KMT2C: variants seen among roughly 807,000 people sequenced by gnomAD.
KMT2C encodes the protein lysine methyltransferase 2C.
KMT2C carries 88 observed loss-of-function variants against 507.9 expected under a neutral mutation model. The ratio of observed to expected loss-of-function variants is 0.17; its 90% CI spans 0.15 to 0.21. KMT2C has a LOEUF of 0.21. Ranked by LOEUF, KMT2C falls within the 10% of genes least tolerant of loss-of-function variation. The pLI is 1.00. For missense variants in KMT2C, 4,954 were observed against 5,957.8 expected, an observed-to-expected ratio of 0.83 and a Z score of 5.55; for synonymous variants, 2,049 against 2,080.8, an observed-to-expected ratio of 0.98 and a Z score of 0.42.
At chr7:152,284,546 T>C (rs2096266860) in intron 6 of KMT2C, among the ~76,000 whole-genome samples, 1 of 152,094 alleles carries the variant, frequency 6.6e-6, no homozygotes, top group Non-Finnish European at 1.5e-5. Context: ...TTTTTCAACT[T>C]CCAAAAAATT....
chr7:152,249,490 CTTT>C (rs558015230), intron 13 of KMT2C, among the ~76,000 whole-genome samples: 2 of 151,394 alleles, frequency 1.3e-5, no homozygotes, highest in African/African-American at 4.9e-5. Context: ...TCCCCAGATA[CTTT>C]TTTTATTTTT....
chr7:152,232,495 G>T (rs990270304), intron 16 of KMT2C, among the ~76,000 whole-genome samples: 6 of 152,074 alleles, frequency 3.9e-5, no homozygotes, highest in African/African-American at 1.4e-4. Flanking sequence ...ATATATAATA[G>T]GTTGAATCAT....
chr7:152,307,271 A>T (rs535889558), intron 6 of KMT2C, among the ~76,000 whole-genome samples: 1 of 119,156 alleles, frequency 8.4e-6, no homozygotes, highest in Admixed American at 7.8e-5. Flanking sequence ...GGAAGGAAGG[A>T]AGAAAGAAAG....
chr7:152,149,090 C>A lies in KMT2C; in HGVS notation c.12837G>T (p.Gln4279His), dbSNP rs2091392078. Residue 4279 changes from glutamine to histidine, a missense_variant, in exon 52 of 59, where the codon CAG (glutamine) becomes CAT (histidine). Coordinates refer to ENST00000262189, the MANE Select transcript of KMT2C (RefSeq NM_170606.3). Reference protein sequence around the residue: ...MRETPSKAFHQYSNNISTLDV... With the variant: ...MRETPSKAFHHYSNNISTLDV... Reference sequence around the variant, plus strand: ...CCAAAGTGGAGATGTTGTTGCTGTACTGATGAAATGCTTTGGAAGGCGTTT... The same window carrying A: ...CCAAAGTGGAGATGTTGTTGCTGTAATGATGAAATGCTTTGGAAGGCGTTT... The A allele has an allele frequency of 6.6e-7, 1 of 1,509,252 alleles. No homozygotes were observed. The highest frequency in any genetic ancestry group is 8.8e-7 in the Non-Finnish European group (1 of 1,131,580). The allele number at this position is 1,509,252 out of a possible 1,614,324, so 93.5% of individuals were successfully genotyped here.
At chr7:152,334,742 T>C (rs1208660579) in intron 2 of KMT2C, among the ~76,000 whole-genome samples, 1 of 152,162 alleles carries the variant, frequency 6.6e-6, no homozygotes, top group Admixed American at 6.5e-5. Context: ...TGAGGCGCAA[T>C]GCTCCAGGTG....
At chr7:152,336,588 C>G (rs779377536) in intron 2 of KMT2C, among the ~76,000 whole-genome samples, 1 of 152,164 alleles carries the variant, frequency 6.6e-6, no homozygotes, top group African/African-American at 2.4e-5. Context: ...CTATCCTATG[C>G]TTTGCCTAAA....
chr7:152,311,170 A>G (rs2096668408), intron 5 of KMT2C, among the ~76,000 whole-genome samples: 1 of 152,178 alleles, frequency 6.6e-6, no homozygotes, highest in Non-Finnish European at 1.5e-5. Flanking sequence ...ATTACTTAGT[A>G]CTTTGTTGAG....
At chr7:152,326,786 C>CA (rs1374510448) in intron 3 of KMT2C, among the ~76,000 whole-genome samples, 1 of 152,088 alleles carries the variant, frequency 6.6e-6, no homozygotes, top group Non-Finnish European at 1.5e-5. Flanking sequence ...GAGGCTGAGG[C>CA]AGGAGAATCG....
Position 152,144,592 on chromosome 7 carries a change from G to T in KMT2C, c.14343+121C>A. 1 of 985,012 alleles carries T rather than the reference G, an allele frequency of 1.0e-6. No homozygotes were observed. Among genetic ancestry groups the T allele is most frequent in the Non-Finnish European group, 1.5e-6 (1 of 654,484 alleles). The allele number at this position is 985,012 out of a possible 1,614,324, so 61.0% of individuals were successfully genotyped here. On this transcript the variant is annotated intron_variant, in intron 55 of 58. Coordinates refer to ENST00000262189, the MANE Select transcript of KMT2C (RefSeq NM_170606.3). This position sits in a 1 kb window ranked among gnomAD's most constrained non-coding sequence, Gnocchi z 4.4. ...AAGGGACAGGATTTGATACGATTTT[G>T]AAAACACGTTTCTGTCCCTGCAGCT...
intron 8 of KMT2C, 83 bp downstream of exon 8, chr7:152,264,955 T>TTA: frequency 6.7e-7 from 1 of 1,491,664 alleles, no homozygotes; most frequent in South Asian, 1.4e-5. Context: ...ACAACCTCTA[T>TTA]TATATTACAC....
intron 4 of KMT2C, 72 bp downstream of exon 4, chr7:152,315,065 TA>T: frequency 7.6e-7 from 1 of 1,310,346 alleles, no homozygotes; most frequent in Non-Finnish European, 1.1e-6. Context: ...TTTGAAAATT[TA>T]TAAACATTAT....
chr7:152,435,453 G>C (rs1367904165), intron 1 of KMT2C, among the ~76,000 whole-genome samples, 173 bp downstream of exon 1: 1 of 146,190 alleles, frequency 6.8e-6, no homozygotes, highest in Non-Finnish European at 1.5e-5. Flanking sequence ...GGCGCGGGCG[G>C]CTACCGAGGG....
intron 46 of KMT2C, among the ~76,000 whole-genome samples, chr7:152,155,195 G>C (rs1175909563): frequency 2.0e-5 from 3 of 152,192 alleles, no homozygotes; most frequent in Non-Finnish European, 2.9e-5. Flanking sequence ...AGGTACAGTA[G>C]AAAGAGGACC....
chr7:152,385,335 G>A lies in KMT2C; in HGVS notation c.162-26660C>T, dbSNP rs1440969366. ...TTTTAAAAATTGAGACGTGTTGGCC[G>A]GGCGCGGTGGCTCACGCCTGTAATC... On this transcript the variant is annotated intron_variant, in intron 1 of 58. Transcript: ENST00000262189. 1.6e-4 allele frequency among the ~76,000 whole-genome samples: 19 copies of A among 119,540 alleles called. 4 individuals are homozygous for A. Among genetic ancestry groups the A allele is most frequent in the African/African-American group, 8.8e-4 (14 of 15,874 alleles). 78.4% of individuals were successfully genotyped at this position (119,540 alleles called of 152,430 possible).
At chr7:152,205,526 A>T in intron 24 of KMT2C, among the ~76,000 whole-genome samples, 1 of 152,040 alleles carries the variant, frequency 6.6e-6, no homozygotes, top group East Asian at 1.9e-4. Flanking sequence ...TGGCTTATCT[A>T]TTTGACAAAT....
chr7:152,175,899 C>G (rs1404899403), intron 38 of KMT2C, among the ~76,000 whole-genome samples: 2 of 152,056 alleles, frequency 1.3e-5, no homozygotes, highest in African/African-American at 2.4e-5. Context: ...AAAAATTGGC[C>G]AGGCATGGTG....
At chr7:152,332,691 A>C (rs1484870332) in intron 2 of KMT2C, among the ~76,000 whole-genome samples, 3 of 152,238 alleles carry the variant, frequency 2.0e-5, no homozygotes, top group Middle Eastern at 3.4e-3. Context: ...TCTACTAAAA[A>C]TATAAAATTA....
At chr7:152,224,902 T>C (rs74867545) in intron 18 of KMT2C, among the ~76,000 whole-genome samples, 2 of 152,286 alleles carry the variant, frequency 1.3e-5, no homozygotes, top group East Asian at 3.9e-4. Flanking sequence ...TTTATAGATA[T>C]AGTGACCAGA....
intron 1 of KMT2C, among the ~76,000 whole-genome samples, chr7:152,404,709 G>A (rs796467033): frequency 0.05 from 5,187 of 103,304 alleles, no homozygotes; most frequent in East Asian, 0.13. Flanking sequence ...TTACTGAACC[G>A]TCACTGCTTA....
Sources: gnomAD v4.1 joint callset for allele counts (sites outside exome capture counted in the v4.1 genomes callset) on GRCh38, gnomAD v4.1.1 for gene constraint, Gnocchi (gnomAD v3.1) non-coding constraint, MANE v1.5 for transcripts, NCBI Gene and HGNC (gene_info 2026-07-23, HGNC 2026-07-21) for gene names.